The following PDE1C variants were observed in gnomAD, a reference collection of about 807,000 sequenced individuals.
The protein encoded by PDE1C is dual specificity calcium/calmodulin-dependent 3',5'-cyclic nucleotide phosphodiesterase 1C.
Under a neutral mutation model 93.1 loss-of-function variants are expected in PDE1C, and 62 were observed. The observed-to-expected ratio is 0.67, with a 90% CI of 0.54 to 0.82. The LOEUF is 0.82. PDE1C is among the 40% of genes least tolerant of loss of function. The pLI is 0.00. For missense variants in PDE1C, 742 were observed against 884.6 expected (o/e 0.84, Z 2.04); for synonymous variants, 325 against 310.1 (o/e 1.05, Z -0.50).
chr7:32,066,243 G>C (rs1042492214), intron 1 of PDE1C, among the ~76,000 whole-genome samples: 2 of 152,188 alleles, frequency 1.3e-5, no homozygotes, highest in Admixed American at 1.3e-4. Context: ...GTAGTATGCT[G>C]GGGTGAGGAG....
chr7:32,251,840 G>C (rs1809411314), intron 1 of PDE1C, among the ~76,000 whole-genome samples: 1 of 152,106 alleles, frequency 6.6e-6, no homozygotes, highest in South Asian at 2.1e-4. Flanking sequence ...GCTGACAAAG[G>C]TTGGCCATGG....
chr7:32,118,144 A>G (rs141798188), intron 3 of PDE1C, among the ~76,000 whole-genome samples: 2 of 152,306 alleles, frequency 1.3e-5, no homozygotes, highest in African/African-American at 4.8e-5. Flanking sequence ...GGAGGGTTAC[A>G]TGGCATCGCC....
At chr7:32,376,542 A>T (rs1784435178) in intron 1 of PDE1C, among the ~76,000 whole-genome samples, 1 of 151,758 alleles carries the variant, frequency 6.6e-6, no homozygotes, top group Non-Finnish European at 1.5e-5. Context: ...CAGGCCAGAG[A>T]CTCCTCTACC....
rs542115746 is a variant in PDE1C at position 31,981,019 on chromosome 7, T to C, written c.128+70535A>G. On this transcript the variant is annotated intron_variant, in intron 2 of 17. Coordinates refer to ENST00000396191, the MANE Select transcript of PDE1C (RefSeq NM_001191057.4). ...CTTCTGCCACATCAGGCAGCATTTA[T>C]AGATTTCAGGGATTAGGATGTGGAC... Among the ~76,000 whole-genome samples the C allele has an allele frequency of 1.2e-3, 178 of 152,306 alleles. 1 individual carries two copies. Among genetic ancestry groups the C allele is most frequent in the African/African-American group, 4.2e-3 (173 of 41,568 alleles).
intron 15 of PDE1C, among the ~76,000 whole-genome samples, chr7:31,814,275 T>C (rs1197981698): frequency 6.6e-6 from 1 of 152,038 alleles, no homozygotes; most frequent in Non-Finnish European, 1.5e-5. Context: ...CAAATGGTAG[T>C]TTGGGTACAT....
intron 2 of PDE1C, among the ~76,000 whole-genome samples, chr7:31,986,715 G>C (rs1783438018): frequency 6.6e-6 from 1 of 152,114 alleles, no homozygotes; most frequent in Admixed American, 6.5e-5. Flanking sequence ...AAGAGGCAAG[G>C]AAGGTTCTTC....
At chr7:32,147,275 A>AAGAAG (rs1491070558) in intron 3 of PDE1C, among the ~76,000 whole-genome samples, 16 of 68,886 alleles carry the variant, frequency 2.3e-4, no homozygotes, top group African/African-American at 5.9e-4. Context: ...AAAGAAAAAA[A>AAGAAG]GAAAGAAAGA....
intron 16 of PDE1C, chr7:31,784,690 A>G (rs1023127687): frequency 1.3e-5 from 2 of 152,336 alleles, no homozygotes; most frequent in South Asian, 2.1e-4. Context: ...ATCTGGTTGT[A>G]CAGTGGGCAC....
At chr7:31,724,078 C>T in the PDE1C span, among the ~76,000 whole-genome samples, 30 of 152,308 alleles carry the variant, frequency 2.0e-4, no homozygotes, top group South Asian at 4.8e-3. Context: ...ATAGAAACAA[C>T]TTTATATCTG....
chr7:32,355,039 C>A (rs576185008), intron 1 of PDE1C, among the ~76,000 whole-genome samples: 15 of 152,074 alleles, frequency 9.9e-5, no homozygotes, highest in African/African-American at 3.4e-4. Context: ...GAGCTCTCAT[C>A]CCTGGCAGGA....
chr7:31,783,190 T>C (rs985266250), intron 16 of PDE1C, among the ~76,000 whole-genome samples: 3 of 152,168 alleles, frequency 2.0e-5, no homozygotes, highest in African/African-American at 7.2e-5. Flanking sequence ...AACCATATCA[T>C]TGTACCCTGA....
At chr7:32,006,897 C>T (rs953315011) in intron 2 of PDE1C, among the ~76,000 whole-genome samples, 8 of 152,174 alleles carry the variant, frequency 5.3e-5, no homozygotes, top group Admixed American at 1.3e-4. Context: ...CCTCCAGCTA[C>T]AGTGCTCTTA....
At chr7:31,916,913 T>G (rs1801997045) in intron 2 of PDE1C, among the ~76,000 whole-genome samples, 2 of 152,088 alleles carry the variant, frequency 1.3e-5, no homozygotes. Context: ...TGAAGTGAAA[T>G]GTATGGATTT....
chr7:32,167,443 G>A (rs538957806), intron 3 of PDE1C, among the ~76,000 whole-genome samples: 73 of 152,196 alleles, frequency 4.8e-4, no homozygotes, highest in Non-Finnish European at 9.4e-4. Context: ...AAGCCACAGA[G>A]AGGAGTCATC....
chr7:32,044,678 G>A (rs1019374296), intron 2 of PDE1C, among the ~76,000 whole-genome samples: 11 of 152,126 alleles, frequency 7.2e-5, no homozygotes, highest in South Asian at 2.1e-4. Flanking sequence ...CCCACAATCC[G>A]TTAGGGACCC....
intron 3 of PDE1C, among the ~76,000 whole-genome samples, chr7:32,107,912 A>G (rs1241419245): frequency 6.6e-6 from 1 of 152,114 alleles, no homozygotes; most frequent in Non-Finnish European, 1.5e-5. Flanking sequence ...ATGAAGCAGT[A>G]GAGTGTTACT....
chr7:32,408,245 C>A (rs1023778621), intron 1 of PDE1C, among the ~76,000 whole-genome samples: 6 of 152,186 alleles, frequency 3.9e-5, no homozygotes, highest in Non-Finnish European at 7.3e-5. Flanking sequence ...CCTAAAGCTT[C>A]CATTAACTGC....
chr7:32,397,661 T>C (rs1394470833), intron 1 of PDE1C, among the ~76,000 whole-genome samples: 2 of 152,120 alleles, frequency 1.3e-5, no homozygotes, highest in African/African-American at 2.4e-5. Context: ...GGAAACAATC[T>C]AAATGCCTAT....
the PDE1C span, among the ~76,000 whole-genome samples, chr7:31,744,067 T>C: frequency 4.6e-5 from 7 of 152,300 alleles, no homozygotes; most frequent in South Asian, 1.2e-3. Context: ...TGGGTCAGCA[T>C]TAGCATACTA....
Sources: allele counts gnomAD v4.1 joint callset (sites outside exome capture counted in the v4.1 genomes callset), GRCh38; gene constraint gnomAD v4.1.1; transcripts MANE v1.5; gene names NCBI Gene and HGNC (gene_info 2026-07-23, HGNC 2026-07-21).